The following YWHAQ variants were observed in gnomAD, a reference collection of about 807,000 sequenced individuals.
YWHAQ encodes tyrosine 3-monooxygenase/tryptophan 5-monooxygenase activation protein theta.
YWHAQ carries 6 observed loss-of-function variants against 28.3 expected under a neutral mutation model. That is an observed-to-expected ratio of 0.21 (90% CI 0.12 to 0.42). The LOEUF (loss-of-function observed/expected upper bound fraction) is 0.42, where lower values mean the gene tolerates loss of function less well. Ranked by LOEUF, YWHAQ falls within the 10% of genes least tolerant of loss-of-function variation. YWHAQ has a pLI of 1.00. For synonymous variants in YWHAQ, 143 were observed against 119.1 expected (o/e 1.20, Z -1.31); for missense variants, 201 against 305.6 (o/e 0.66, Z 2.55).
At chr2:9,620,657 T>C (rs1350127257) in intron 2 of YWHAQ, 1 of 152,184 alleles carries the variant, frequency 6.6e-6, no homozygotes, top group South Asian at 2.1e-4. Flanking sequence ...CTTTAGCTGG[T>C]TTCCAGGAAT....
At chr2:9,587,887 C>T (rs1249475911) in intron 4 of YWHAQ, among the ~76,000 whole-genome samples, 1 of 152,166 alleles carries the variant, frequency 6.6e-6, no homozygotes, top group Non-Finnish European at 1.5e-5. Context: ...GCAGGCATGA[C>T]TTTCTAATCT....
At position 9,622,848 on chromosome 2, in the gene YWHAQ, T is replaced by A. The variant is rs570114540; in HGVS notation, c.294+7311A>T. 3.3e-5 allele frequency among the ~76,000 whole-genome samples: 5 copies of A among 152,382 alleles called. No individual in the cohort carries two copies. In the South Asian group the frequency reaches 1.0e-3, roughly 32 times the overall value. On this transcript the variant is annotated intron_variant, in intron 2 of 5. Coordinates refer to ENST00000238081, the MANE Select transcript of YWHAQ (RefSeq NM_006826.4). ...ACTTATCTATGGATTAAGAGTTTAATTAAAGTAGCAATGGATAAACTTTGC... is the reference window on the plus strand; with the variant it reads ...ACTTATCTATGGATTAAGAGTTTAAATAAAGTAGCAATGGATAAACTTTGC...
rs1553372635 is a variant in YWHAQ at position 9,593,997 on chromosome 2, A to ACACG, written c.295-2486_295-2483dup. ...TTAAAACACACACACACACACACAC[A>ACACG]CACGCACGCACAAAAAATTAGTATA... On this transcript the variant is annotated intron_variant, in intron 2 of 5. Transcript: ENST00000238081. Among the ~76,000 whole-genome samples the ACACG allele has an allele frequency of 9.8e-4, 148 of 150,580 alleles. 1 individual carries two copies. The highest frequency in any genetic ancestry group is 3.3e-3 in the African/African-American group (133 of 40,798).
At chr2:9,589,600 T>TA (rs1205307711) in intron 3 of YWHAQ, among the ~76,000 whole-genome samples, 1 of 152,036 alleles carries the variant, frequency 6.6e-6, no homozygotes, top group East Asian at 1.9e-4. Context: ...ATAATAATAA[T>TA]AATAATTTGA....
In YWHAQ at chr2:9,630,214, T is replaced by C. The variant is rs199958721; in HGVS notation, c.239A>G (p.Lys80Arg). The change falls in exon 2 of 6, where the codon AAG (lysine) becomes AGG (arginine). Residue 80 changes from lysine (K) to arginine (R), a missense_variant. Lys to Arg is a conservative substitution (Grantham distance 26). Transcript: ENST00000238081. This position sits in a 1 kb window ranked among gnomAD's most constrained non-coding sequence, Gnocchi z 5.6. The stretch of plus-strand genomic sequence containing the variant: ...GGACTCCACTTTCTCCCGATAGTCC[T>C]TAATCAGCTGCAACTTCTTGTCGGA... ...DTSDKKLQLI[K>R]DYREKVESEL... The C allele has an allele frequency of 1.2e-6, 2 of 1,614,072 alleles. No individual in the cohort carries two copies. The highest frequency in any genetic ancestry group is 1.7e-5 in the Admixed American group (1 of 60,030).
chr2:9,593,500 C>A (rs944628465), intron 2 of YWHAQ, among the ~76,000 whole-genome samples: 1 of 151,980 alleles, frequency 6.6e-6, no homozygotes, highest in African/African-American at 2.4e-5. Context: ...TGAGCCACTG[C>A]GCCTGGCCCA....
intron 2 of YWHAQ, among the ~76,000 whole-genome samples, chr2:9,602,544 AG>A (rs1040651089): frequency 1.3e-5 from 2 of 151,688 alleles, no homozygotes; most frequent in South Asian, 2.1e-4. Context: ...CTGAGTAGCT[AG>A]GAGTACAGGT....
intron 4 of YWHAQ, among the ~76,000 whole-genome samples, chr2:9,587,921 T>A (rs1188684356): frequency 2.0e-5 from 3 of 152,200 alleles, no homozygotes; most frequent in Non-Finnish European, 4.4e-5. Flanking sequence ...CTTAACATCA[T>A]TTATCCTTCT....
chr2:9,598,011 T>TTTG (rs1397521514), intron 2 of YWHAQ, among the ~76,000 whole-genome samples: 1 of 137,102 alleles, frequency 7.3e-6, no homozygotes, highest in Non-Finnish European at 1.6e-5. Context: ...TTTTTTTTTT[T>TTTG]TTAGTAGAGA....
At position 9,584,697 on chromosome 2, in the gene YWHAQ, G is replaced by A. The variant is rs1192623871; in HGVS notation, c.*589C>T. The A allele has an allele frequency of 6.6e-6, 1 of 152,590 alleles. No homozygotes were observed. The highest frequency in any genetic ancestry group is 2.4e-5 in the African/African-American group (1 of 41,426). 9.5% of individuals were successfully genotyped at this position (152,590 alleles called of 1,614,324 possible). A position where few individuals can be genotyped will look rare whatever the true frequency, so the allele number is the denominator to read the frequency against. On this transcript the variant is annotated 3_prime_UTR_variant, in exon 6 of 6. Coordinates refer to ENST00000238081, the MANE Select transcript of YWHAQ (RefSeq NM_006826.4). The stretch of plus-strand genomic sequence containing the variant: ...TAAAGAGTGAATAAGGAAACTCCCT[G>A]TTGCCACAGATACACAAGACCTCCG...
At chr2:9,605,140 CTTTTT>C (rs35332379) in intron 2 of YWHAQ, among the ~76,000 whole-genome samples, 1,768 of 138,428 alleles carry the variant, frequency 0.013, 41 homozygotes, top group African/African-American at 0.046. Context: ...TCTGTTCTCT[CTTTTT>C]TTTTTTTTTT....
At chr2:9,614,988 C>T (rs1206140280) in intron 2 of YWHAQ, among the ~76,000 whole-genome samples, 1 of 152,018 alleles carries the variant, frequency 6.6e-6, no homozygotes, top group African/African-American at 2.4e-5. Flanking sequence ...CAAATGAACC[C>T]CCAGGGACAA....
rs117227676 is a variant in YWHAQ, at chr2:9,616,324, C to T, written c.294+13835G>A. ...TATGCAAAAAGGAACTCAAAATGGA[C>T]TAAAGACCTAAACACAGGAGCTAAA... is the stretch of plus-strand genomic sequence containing the variant. On this transcript the variant is annotated intron_variant, in intron 2 of 5. Transcript: ENST00000238081. 7.8e-4 allele frequency among the ~76,000 whole-genome samples: 118 copies of T among 151,696 alleles called. 3 individuals are homozygous for T. In the East Asian group the frequency reaches 0.021, roughly 27 times the overall value.
In YWHAQ at chr2:9,585,358, G is replaced by T. The variant is rs1429388402; in HGVS notation, c.679-13C>A. On this transcript the variant is annotated splice_polypyrimidine_tract_variant and intron_variant, in intron 5 of 5. Coordinates refer to ENST00000238081, the MANE Select transcript of YWHAQ (RefSeq NM_006826.4). Reference sequence around the variant, plus strand: ...CTGATGTCCAAAGCTAGAAAAAGAAGAATCATATTAAGTTACTATTTCTAG... The same window carrying T: ...CTGATGTCCAAAGCTAGAAAAAGAATAATCATATTAAGTTACTATTTCTAG... The T allele has an allele frequency of 6.2e-7, 1 of 1,613,740 alleles. No homozygotes were observed. The highest frequency in any genetic ancestry group is 1.3e-5 in the African/African-American group (1 of 74,882).
chr2:9,616,775 T>C (rs1667049155), intron 2 of YWHAQ, among the ~76,000 whole-genome samples: 1 of 152,198 alleles, frequency 6.6e-6, no homozygotes. Flanking sequence ...GAATGTAAGA[T>C]AGTACAGCCA....
chr2:9,589,903 G>C (rs2125062404), intron 3 of YWHAQ, among the ~76,000 whole-genome samples: 1 of 152,318 alleles, frequency 6.6e-6, no homozygotes, highest in East Asian at 1.9e-4. Context: ...GCCTATTACA[G>C]CTTTAGAGAT....
chr2:9,585,990 C>T lies in YWHAQ; in HGVS notation c.679-645G>A, dbSNP rs576777468. Reference sequence around the variant, plus strand: ...AATAAGCAAAGTGATAGTCTCTATTCCCAGCAGCCCAATGCTCTTCTTGAA... The same window carrying T: ...AATAAGCAAAGTGATAGTCTCTATTTCCAGCAGCCCAATGCTCTTCTTGAA... On this transcript the variant is annotated intron_variant, in intron 5 of 5. Transcript: ENST00000238081. Among the ~76,000 whole-genome samples the T allele has an allele frequency of 7.2e-5, 11 of 152,010 alleles. No homozygotes were observed. The South Asian group carries it at 2.1e-3, about 29-fold the overall frequency.
Position 9,585,362 on chromosome 2 carries a change from C to CA in YWHAQ, c.679-18dup. On this transcript the variant is annotated splice_polypyrimidine_tract_variant and intron_variant, in intron 5 of 5. Coordinates refer to ENST00000238081, the MANE Select transcript of YWHAQ (RefSeq NM_006826.4). ...TGTCCAAAGCTAGAAAAAGAAGAAT[C>CA]ATATTAAGTTACTATTTCTAGATTA... 1 of 1,613,830 alleles carries CA rather than the reference C, an allele frequency of 6.2e-7. No homozygotes were observed. Among genetic ancestry groups the CA allele is most frequent in the Non-Finnish European group, 8.5e-7 (1 of 1,179,796 alleles).
intron 2 of YWHAQ, among the ~76,000 whole-genome samples, chr2:9,622,802 A>G (rs1667167705): frequency 6.6e-6 from 1 of 152,236 alleles, no homozygotes; most frequent in Admixed American, 6.5e-5. Flanking sequence ...CAAATCTAGT[A>G]ATTTATCATA....
Sources: allele counts gnomAD v4.1 joint callset (sites outside exome capture counted in the v4.1 genomes callset), GRCh38; gene constraint gnomAD v4.1.1; non-coding constraint Gnocchi (gnomAD v3.1); transcripts MANE v1.5; gene names NCBI Gene and HGNC (gene_info 2026-07-23, HGNC 2026-07-21).